Variants in PTPRG observed in about 807,000 individuals in gnomAD.
The protein encoded by PTPRG is receptor-type tyrosine-protein phosphatase gamma.
PTPRG carries 102 observed loss-of-function variants against 165.3 expected under a neutral mutation model. The observed-to-expected ratio is 0.62, with a 90% CI of 0.53 to 0.73. The LOEUF is 0.73. PTPRG is among the 30% of genes least tolerant of loss of function. The probability of loss-of-function intolerance (pLI) is 0.00; values close to 1 mark genes in which losing one functional copy is unlikely to be tolerated. For synonymous variants in PTPRG, 675 were observed against 669.5 expected (o/e 1.01, Z -0.13); for missense variants, 1,866 against 1,861.4 (o/e 1.00, Z -0.05).
intron 2 of PTPRG, among the ~76,000 whole-genome samples, chr3:61,752,506 T>G (rs1156483990): frequency 1.3e-5 from 2 of 151,962 alleles, no homozygotes; most frequent in African/African-American, 4.8e-5. Context: ...TAGAAAAAGT[T>G]TGCTGGCCGG....
At chr3:62,130,299 C>T (rs544930812) in intron 5 of PTPRG, among the ~76,000 whole-genome samples, 2 of 152,264 alleles carry the variant, frequency 1.3e-5, no homozygotes, top group African/African-American at 4.8e-5. Context: ...TTCATTTGAT[C>T]TTAGGATTCC....
At chr3:61,831,550 C>T (rs188219547) in intron 2 of PTPRG, among the ~76,000 whole-genome samples, 1 of 152,132 alleles carries the variant, frequency 6.6e-6, no homozygotes, top group Non-Finnish European at 1.5e-5. Context: ...AAAGCAGACT[C>T]AAGCCACCAT....
chr3:61,585,373 A>G (rs918128323), intron 1 of PTPRG, among the ~76,000 whole-genome samples: 1 of 152,024 alleles, frequency 6.6e-6, no homozygotes, highest in African/African-American at 2.4e-5. Context: ...TCTGTAAATC[A>G]TCTGTAACCT....
In PTPRG at chr3:61,767,229, A is replaced by G. The variant is rs1158565229; in HGVS notation, c.190+18247A>G. On this transcript the variant is annotated intron_variant, in intron 2 of 29. Coordinates refer to ENST00000474889, the MANE Select transcript of PTPRG (RefSeq NM_002841.4). ...ACTGCACTCTAGCCTTGTGACAGCA[A>G]GATTCCATCTCAAAAAAAAAAAAAA... Among the ~76,000 whole-genome samples the G allele has an allele frequency of 6.2e-5, 4 of 64,006 alleles. 1 individual carries two copies. Among genetic ancestry groups the G allele is most frequent in the Non-Finnish European group, 3.5e-5 (1 of 28,190 alleles). 42.0% of individuals were successfully genotyped at this position (64,006 alleles called of 152,430 possible).
rs372194266 is a variant in PTPRG at position 61,911,777 on chromosome 3, A to G, written c.191-77848A>G. 2.5e-4 allele frequency among the ~76,000 whole-genome samples: 38 copies of G among 152,312 alleles called. No individual in the cohort carries two copies. The East Asian group carries it at 6.6e-3, about 26-fold the overall frequency. ...TTACTGCGTTTGAACAGCTCTTATT[A>G]AAGGCTGCTAGATCATTTAAAGAAA... is the stretch of plus-strand genomic sequence containing the variant. On this transcript the variant is annotated intron_variant, in intron 2 of 29. Transcript: ENST00000474889.
At chr3:61,629,107 A>G (rs1701694989) in intron 1 of PTPRG, among the ~76,000 whole-genome samples, 1 of 152,146 alleles carries the variant, frequency 6.6e-6, no homozygotes, top group Non-Finnish European at 1.5e-5. Context: ...TTGTGCCTTC[A>G]AGCAGTTCAC....
chr3:61,584,069 T>G (rs1559512235), intron 1 of PTPRG, among the ~76,000 whole-genome samples: 1 of 152,184 alleles, frequency 6.6e-6, no homozygotes, highest in Non-Finnish European at 1.5e-5. Context: ...CATTTTGAGC[T>G]TTTTATCTTC....
At chr3:61,953,587 T>A (rs769803229) in intron 2 of PTPRG, among the ~76,000 whole-genome samples, 3 of 152,132 alleles carry the variant, frequency 2.0e-5, no homozygotes, top group Non-Finnish European at 4.4e-5. Context: ...TTGTGGTGGT[T>A]CTATGGGGAG....
At position 61,578,138 on chromosome 3, in the gene PTPRG, C is replaced by G. The variant is rs115247463; in HGVS notation, c.85+15766C>G. On this transcript the variant is annotated intron_variant, in intron 1 of 29. Coordinates refer to ENST00000474889, the MANE Select transcript of PTPRG (RefSeq NM_002841.4). ...GCATTGATTTCTCCCTCTCCTAGTT[C>G]CTGTTGGTGCTACATCGTGGGACCT... Among the ~76,000 whole-genome samples the G allele has an allele frequency of 7.1e-3, 1,078 of 152,254 alleles. 18 individuals are homozygous for G. The highest frequency in any genetic ancestry group is 0.024 in the African/African-American group (1,018 of 41,560).
chr3:61,817,199 TA>T (rs968970012), intron 2 of PTPRG, among the ~76,000 whole-genome samples: 22 of 137,314 alleles, frequency 1.6e-4, no homozygotes, highest in East Asian at 4.0e-4. Flanking sequence ...ATAATATATA[TA>T]ATAATATAAT....
chr3:62,090,908 A>G (rs1054887677), intron 5 of PTPRG, among the ~76,000 whole-genome samples: 1 of 152,196 alleles, frequency 6.6e-6, no homozygotes, highest in Non-Finnish European at 1.5e-5. Context: ...CCTTTGGACA[A>G]ATCTATTCAA....
chr3:61,648,128 G>T (rs1477273055), intron 1 of PTPRG, among the ~76,000 whole-genome samples: 3 of 151,738 alleles, frequency 2.0e-5, no homozygotes, highest in African/African-American at 7.3e-5. Flanking sequence ...AGAATATCCT[G>T]ACAGTGGAAT....
intron 2 of PTPRG, among the ~76,000 whole-genome samples, chr3:61,928,929 G>C (rs1264542196): frequency 1.3e-5 from 2 of 152,174 alleles, no homozygotes; most frequent in Non-Finnish European, 2.9e-5. Context: ...ATTTGGCAGT[G>C]GATGGAGACA....
intron 2 of PTPRG, among the ~76,000 whole-genome samples, chr3:61,962,180 C>T (rs774425946): frequency 6.6e-5 from 10 of 152,174 alleles, no homozygotes; most frequent in Non-Finnish European, 1.0e-4. Context: ...GGATGTGTCT[C>T]TAAGAATATG....
rs1559548403 is a variant in PTPRG at position 62,132,676 on chromosome 3, T to A, written c.682+8T>A. The A allele has an allele frequency of 6.3e-7, 1 of 1,598,960 alleles. No homozygotes were observed. Among genetic ancestry groups the A allele is most frequent in the Admixed American group, 1.7e-5 (1 of 59,992 alleles). Reference sequence around the variant, plus strand: ...AGGGTGTCGTACATCATGGTAAGTATGCCACATACACTTCCTTTTGCTGGG... The same window carrying A: ...AGGGTGTCGTACATCATGGTAAGTAAGCCACATACACTTCCTTTTGCTGGG... On this transcript the variant is annotated splice_region_variant and intron_variant, in intron 6 of 29. Coordinates refer to ENST00000474889, the MANE Select transcript of PTPRG (RefSeq NM_002841.4).
At chr3:61,602,317 TG>T (rs1251612360) in intron 1 of PTPRG, among the ~76,000 whole-genome samples, 6 of 152,092 alleles carry the variant, frequency 3.9e-5, no homozygotes, top group Admixed American at 3.9e-4. Flanking sequence ...ATATGCCACC[TG>T]CCCCCTTGTA....
intron 15 of PTPRG, among the ~76,000 whole-genome samples, chr3:62,249,910 A>T (rs539657560): frequency 6.6e-6 from 1 of 152,324 alleles, no homozygotes; most frequent in South Asian, 2.1e-4. Context: ...CTATTACTTG[A>T]TAATGACAGT....
At chr3:62,143,411 T>G (rs1704001252) in intron 6 of PTPRG, among the ~76,000 whole-genome samples, 1 of 152,152 alleles carries the variant, frequency 6.6e-6, no homozygotes, top group Non-Finnish European at 1.5e-5. Flanking sequence ...TGAGGGGTTC[T>G]TGCCTGTTTT....
intron 1 of PTPRG, among the ~76,000 whole-genome samples, chr3:61,707,671 C>T (rs1575601470): frequency 6.6e-6 from 1 of 152,186 alleles, no homozygotes; most frequent in East Asian, 1.9e-4. Flanking sequence ...TCCAAAACAC[C>T]CTCCAGGGCA....
Sources: gnomAD v4.1 joint callset for allele counts (sites outside exome capture counted in the v4.1 genomes callset) on GRCh38, gnomAD v4.1.1 for gene constraint, MANE v1.5 for transcripts, NCBI Gene and HGNC (gene_info 2026-07-23, HGNC 2026-07-21) for gene names.